The following TPM1 variants were observed in gnomAD, a reference collection of about 807,000 sequenced individuals.
The protein encoded by TPM1 is tropomyosin 1.
A neutral mutation model predicts 42.9 loss-of-function variants in TPM1; 24 were observed. That is an observed-to-expected ratio of 0.56 (90% CI 0.41 to 0.79). The LOEUF (loss-of-function observed/expected upper bound fraction) is 0.79. Ranked by LOEUF, TPM1 falls within the 30% of genes least tolerant of loss-of-function variation. The probability of loss-of-function intolerance (pLI) is 0.00; values close to 1 mark genes in which losing one functional copy is unlikely to be tolerated. For missense variants in TPM1, 158 were observed against 351.8 expected (o/e 0.45, Z 4.41); for synonymous variants, 136 against 130.1 (o/e 1.05, Z -0.31).
intron 4 of TPM1, chr15:63,060,085 T>G (rs2035408900): frequency 4.1e-6 from 1 of 241,550 alleles, no homozygotes; most frequent in Non-Finnish European, 8.3e-6. Context: ...AGACAGTTTC[T>G]CAGTGGATTC....
rs900234692 is a variant in TPM1, at chr15:63,064,945, C to T, written c.851+803C>T. On this transcript the variant is annotated intron_variant, in intron 9 of 9. Coordinates refer to ENST00000403994, the MANE Select transcript of TPM1 (RefSeq NM_001018005.2). The stretch of plus-strand genomic sequence containing the variant: ...TCGCACCACCGCACTCCAGCCTGGA[C>T]GACAGAGCGAGACTCTGTCTCAAGA... 122 of 951,270 alleles carry T rather than the reference C, an allele frequency of 1.3e-4. 1 individual carries two copies. Among genetic ancestry groups the T allele is most frequent in the Non-Finnish European group, 1.5e-4 (119 of 799,204 alleles). The allele number at this position is 951,270 out of a possible 1,614,324, so 58.9% of individuals were successfully genotyped here. A position where few individuals can be genotyped will look rare whatever the true frequency, so the allele number is the denominator to read the frequency against.
intron 2 of TPM1, 85 bp from the exon 3 acceptor site, chr15:63,056,900 A>G: frequency 6.3e-7 from 1 of 1,586,564 alleles, no homozygotes. Flanking sequence ...CCTATCTGAA[A>G]TCAGCATTGC....
chr15:63,071,344 C>A, exon 9 of TPM1: 1 of 656,312 alleles, frequency 1.5e-6, no homozygotes, highest in Admixed American at 2.6e-5. Flanking sequence ...AAGCCCATGT[C>A]AGGGCGATCC....
intron 3 of TPM1, among the ~76,000 whole-genome samples, chr15:63,058,433 G>A (rs2035116762): frequency 6.6e-6 from 1 of 152,204 alleles, no homozygotes; most frequent in Non-Finnish European, 1.5e-5. Flanking sequence ...TGGGCCAGAT[G>A]TGGTGGCTCA....
chr15:63,067,772 C>CA (rs1194872015), downstream of TPM1, among the ~76,000 whole-genome samples: 1 of 152,232 alleles, frequency 6.6e-6, no homozygotes, highest in African/African-American at 2.4e-5. Flanking sequence ...GCCATAGCTA[C>CA]AGCTGCTCTG....
chr15:63,044,135 G>A lies in TPM1; in HGVS notation c.223G>A (p.Glu75Lys). ...TGCCCAGGAGAAGCTGGAGCTGGCA[G>A]AGAAAAAGGCCACCGATGTAAGTGC... is the stretch of plus-strand genomic sequence containing the variant. ...KDAQEKLELA[E>K]KKATDAEADV... Residue 75 changes from glutamate (E) to lysine (K), a missense_variant, in exon 2 of 10, where the codon GAG becomes AAG. Glu to Lys is a moderately conservative substitution (Grantham distance 56). Around this residue, in one of 4 missense-constraint regions of TPM1, gnomAD observed 65 missense variants for 208.8 expected, o/e 0.31. Transcript: ENST00000403994. The A allele has an allele frequency of 6.2e-7, 1 of 1,614,226 alleles. No individual in the cohort carries two copies. The highest frequency in any genetic ancestry group is 8.5e-7 in the Non-Finnish European group (1 of 1,180,048).
rs1312313326 is a variant in TPM1 at position 63,065,904 on chromosome 15, C to A, written c.*5C>A. On this transcript the variant is annotated 3_prime_UTR_variant, in exon 10 of 10. Coordinates refer to ENST00000403994, the MANE Select transcript of TPM1 (RefSeq NM_001018005.2). ...TTTTTATCTTCACGCAGATAAGTTT[C>A]TTTGCTTCACTTCTCCCAAGACTCC... is the stretch of plus-strand genomic sequence containing the variant. The A allele has an allele frequency of 1.9e-6, 3 of 1,566,322 alleles. No individual in the cohort carries two copies. Among genetic ancestry groups the A allele is most frequent in the East Asian group, 2.3e-5 (1 of 42,580 alleles).
At chr15:63,070,812 C>T, downstream of TPM1, 2 of 1,246,698 alleles carry the variant, frequency 1.6e-6, no homozygotes, top group Non-Finnish European at 2.0e-6. Context: ...CGTCAGTGAA[C>T]CTTCACCAAA....
chr15:63,048,454 CAG>C (rs1265632016), intron 2 of TPM1: 12 of 1,360,438 alleles, frequency 8.8e-6, no homozygotes, highest in African/African-American at 4.6e-5. Context: ...CGCCATCGCA[CAG>C]AGAGGCCTGG....
intron 1 of TPM1, chr15:63,043,593 A>G: frequency 1.3e-6 from 2 of 1,500,754 alleles, no homozygotes; most frequent in Non-Finnish European, 1.8e-6. Context: ...TTGCACTCCA[A>G]CTCGGCGGCG....
chr15:63,050,372 G>A (rs1208643213), intron 2 of TPM1, among the ~76,000 whole-genome samples: 1 of 152,220 alleles, frequency 6.6e-6, no homozygotes, highest in African/African-American at 2.4e-5. Flanking sequence ...AGTGGTATCA[G>A]TGGTAGAAGT....
At chr15:63,048,191 G>A (rs983828442) in intron 2 of TPM1, 68 of 457,512 alleles carry the variant, frequency 1.5e-4, no homozygotes, top group Non-Finnish European at 2.7e-4. Context: ...GGTCACCACC[G>A]CGCCGCGGAG....
At chr15:63,060,799 A>G in intron 4 of TPM1, 70 bp from the exon 5 acceptor site, 1 of 1,545,782 alleles carries the variant, frequency 6.5e-7, no homozygotes. Context: ...TCTGATCTCT[A>G]CCCCCATGCC....
chr15:63,049,178 A>C (rs973967382), intron 2 of TPM1: 2 of 186,920 alleles, frequency 1.1e-5, no homozygotes, highest in Non-Finnish European at 2.3e-5. Context: ...GGGATGCTAC[A>C]CTCCGCCGTT....
At chr15:63,055,147 A>G (rs1257237528) in intron 2 of TPM1, among the ~76,000 whole-genome samples, 6 of 152,182 alleles carry the variant, frequency 3.9e-5, no homozygotes, top group African/African-American at 1.4e-4. Flanking sequence ...TCTGCCAGTA[A>G]TTCCTAGCTG....
downstream of TPM1, chr15:63,069,842 C>A (rs1329841764): frequency 1.2e-6 from 2 of 1,613,894 alleles, no homozygotes; most frequent in South Asian, 1.1e-5. Flanking sequence ...TGCCTCTTTT[C>A]TGCTAACCTG....
chr15:63,063,753 C>G (rs1314845961), intron 8 of TPM1: 13 of 301,954 alleles, frequency 4.3e-5, no homozygotes, highest in Non-Finnish European at 6.8e-5. Context: ...CACCAGGAGA[C>G]AGCCTTCTGT....
At position 63,066,094 on chromosome 15, in the gene TPM1, TTTCTGTTTGCTA is replaced by T. The variant is rs1442356529; in HGVS notation, c.*200_*211del. ...TGTCAAATAAACACTGTGTAAGCTA[TTTCTGTTTGCTA>T]TTCTTTTTACTTCTTATTTATTGAC... On this transcript the variant is annotated 3_prime_UTR_variant, in exon 10 of 10. Transcript: ENST00000403994. 2.3e-5 allele frequency: 34 copies of T among 1,505,290 alleles called. No homozygotes were observed. The South Asian group carries it at 3.0e-4, about 13-fold the overall frequency. 93.2% of individuals were successfully genotyped at this position (1,505,290 alleles called of 1,614,324 possible).
intron 8 of TPM1, 124 bp from the exon 9 acceptor site, chr15:63,063,940 C>T: frequency 4.2e-6 from 6 of 1,422,568 alleles, no homozygotes; most frequent in Non-Finnish European, 5.7e-6. Flanking sequence ...GGCACCAACC[C>T]CTTCATGCAT....
Sources: gnomAD v4.1 joint callset for allele counts (sites outside exome capture counted in the v4.1 genomes callset) on GRCh38, gnomAD v4.1.1 for gene constraint, gnomAD v4.1.1 regional missense constraint, MANE v1.5 for transcripts, NCBI Gene and HGNC (gene_info 2026-07-23, HGNC 2026-07-21) for gene names.